NALF1: variants seen among roughly 807,000 people sequenced by gnomAD.
NALF1 encodes family with sequence similarity 155 member A.
In NALF1, 3 loss-of-function variants were observed where a neutral mutation model predicts 48.4. That is an observed-to-expected ratio of 0.06 (90% CI 0.03 to 0.16). NALF1 has a LOEUF of 0.16. NALF1 is among the 10% of genes least tolerant of loss of function. The probability of loss-of-function intolerance (pLI) is 1.00; values close to 1 mark genes in which losing one functional copy is unlikely to be tolerated. For missense variants in NALF1, 526 were observed against 571.5 expected, an observed-to-expected ratio of 0.92 and a Z score of 0.81; for synonymous variants, 262 against 245.7, an observed-to-expected ratio of 1.07 and a Z score of -0.62.
rs60334773 is a variant in NALF1, at chr13:107,168,961, AT to A, written c.*1535del. ...GTTAGAGAATAGGAAGGAATGTAAA[AT>A]TTTTTTTTTAATTATTTGTTTTGTT... is the stretch of plus-strand genomic sequence containing the variant. On this transcript the variant is annotated 3_prime_UTR_variant, in exon 3 of 3. Coordinates refer to ENST00000375915, the MANE Select transcript of NALF1 (RefSeq NM_001080396.3). 109,706 of 152,050 alleles carry A rather than the reference AT, an allele frequency of 0.72. 39,948 individuals are homozygous for A. Among genetic ancestry groups the A allele is most frequent in the African/African-American group, 0.82 (34,058 of 41,368 alleles). 9.4% of individuals were successfully genotyped at this position (152,050 alleles called of 1,614,324 possible).
At position 107,446,172 on chromosome 13, in the gene NALF1, T is replaced by C. The variant is rs181713929; in HGVS notation, c.916-235417A>G. 2.0e-4 allele frequency among the ~76,000 whole-genome samples: 31 copies of C among 152,100 alleles called. 1 individual carries two copies. Among genetic ancestry groups the C allele is most frequent in the Admixed American group, 2.0e-3 (31 of 15,268 alleles). On this transcript the variant is annotated intron_variant, in intron 1 of 2. Coordinates refer to ENST00000375915, the MANE Select transcript of NALF1 (RefSeq NM_001080396.3). ...CAGGATGGTCTCGATCTCTTGACCT[T>C]GTGATCTGCCCACCTCAGGCTCCCA...
chr13:107,551,103 T>TTCTTCTCTC (rs1420196900), intron 1 of NALF1, among the ~76,000 whole-genome samples: 2 of 151,678 alleles, frequency 1.3e-5, no homozygotes, highest in Non-Finnish European at 2.9e-5. Flanking sequence ...CCTTGCTGTA[T>TTCTTCTCTC]TCTTCTCTCT....
At chr13:107,828,134 C>T (rs1369059088) in intron 1 of NALF1, among the ~76,000 whole-genome samples, 2 of 152,118 alleles carry the variant, frequency 1.3e-5, no homozygotes, top group African/African-American at 4.8e-5. Context: ...GGGCAGTTTT[C>T]AGCTTAAAGT....
intron 1 of NALF1, among the ~76,000 whole-genome samples, chr13:107,212,631 T>C (rs1373656598): frequency 6.6e-6 from 1 of 152,212 alleles, no homozygotes. Context: ...TTGAAAACGT[T>C]TGTCAAAATG....
chr13:107,211,570 G>C (rs1399817308), intron 1 of NALF1, among the ~76,000 whole-genome samples: 1 of 152,158 alleles, frequency 6.6e-6, no homozygotes, highest in Non-Finnish European at 1.5e-5. Context: ...GCCTTTTTCT[G>C]ACACGAAGGA....
At chr13:107,740,003 G>A in intron 1 of NALF1, among the ~76,000 whole-genome samples, 1 of 152,052 alleles carries the variant, frequency 6.6e-6, no homozygotes, top group East Asian at 1.9e-4. Context: ...CTACATTATG[G>A]TGAGATCCAT....
intron 1 of NALF1, among the ~76,000 whole-genome samples, chr13:107,725,571 C>CGCA (rs931156357): frequency 6.6e-6 from 1 of 151,918 alleles, no homozygotes. Context: ...ATTACCTGGG[C>CGCA]GCAGAGGCGC....
At chr13:107,434,018 G>A (rs571133700) in intron 1 of NALF1, among the ~76,000 whole-genome samples, 22 of 152,270 alleles carry the variant, frequency 1.4e-4, no homozygotes, top group Non-Finnish European at 2.5e-4. Flanking sequence ...GAACTAGGAG[G>A]CTGTAATAGA....
At chr13:107,291,305 G>A (rs1408496691) in intron 1 of NALF1, among the ~76,000 whole-genome samples, 1 of 151,860 alleles carries the variant, frequency 6.6e-6, no homozygotes, top group East Asian at 1.9e-4. Context: ...AACATAGGTT[G>A]AGCATCCCTA....
chr13:107,354,500 G>A (rs1013772263), intron 1 of NALF1, among the ~76,000 whole-genome samples: 1 of 152,214 alleles, frequency 6.6e-6, no homozygotes, highest in Middle Eastern at 3.4e-3. Flanking sequence ...CAGATCTCAT[G>A]AGAACTCACA....
At chr13:107,189,663 C>A (rs1879242272) in intron 2 of NALF1, among the ~76,000 whole-genome samples, 1 of 152,190 alleles carries the variant, frequency 6.6e-6, no homozygotes. Context: ...CCAGGGACTC[C>A]GAGTGGAGAC....
intron 2 of NALF1, among the ~76,000 whole-genome samples, chr13:107,184,971 A>G (rs529887113): frequency 6.6e-6 from 1 of 152,294 alleles, no homozygotes; most frequent in East Asian, 1.9e-4. Context: ...GGGGTTCCTT[A>G]ATCCAGTAAG....
intron 1 of NALF1, among the ~76,000 whole-genome samples, chr13:107,680,931 G>A (rs1467212419): frequency 1.4e-5 from 2 of 139,512 alleles, no homozygotes; most frequent in Admixed American, 1.5e-4. Context: ...GAGAGTATGA[G>A]TATGCATGAG....
At chr13:107,603,418 T>C (rs1432167744) in intron 1 of NALF1, among the ~76,000 whole-genome samples, 1 of 152,206 alleles carries the variant, frequency 6.6e-6, no homozygotes, top group Admixed American at 6.5e-5. Context: ...GTTCTTTTTA[T>C]AAATTTGAAG....
intron 1 of NALF1, among the ~76,000 whole-genome samples, chr13:107,783,130 G>A (rs1335003895): frequency 3.8e-4 from 46 of 119,546 alleles, no homozygotes; most frequent in African/African-American, 6.5e-4. Context: ...CTGCCCGGCC[G>A]CCCCTACTGG....
At chr13:107,858,823 A>G (rs1384454140) in intron 1 of NALF1, among the ~76,000 whole-genome samples, 1 of 152,218 alleles carries the variant, frequency 6.6e-6, no homozygotes, top group African/African-American at 2.4e-5. Flanking sequence ...AAATTAGAAT[A>G]GTTTCTGACA....
At chr13:107,326,374 G>T (rs1006661536) in intron 1 of NALF1, among the ~76,000 whole-genome samples, 1 of 152,048 alleles carries the variant, frequency 6.6e-6, no homozygotes, top group Admixed American at 6.6e-5. Context: ...CCAGTCACAG[G>T]TATTAGAGCG....
At chr13:107,647,260 A>G (rs1215626974) in intron 1 of NALF1, among the ~76,000 whole-genome samples, 1 of 152,084 alleles carries the variant, frequency 6.6e-6, no homozygotes, top group East Asian at 1.9e-4. Context: ...AAAATACAAG[A>G]ACATGAATAA....
chr13:107,493,789 C>T (rs563846757), intron 1 of NALF1, among the ~76,000 whole-genome samples: 16 of 152,036 alleles, frequency 1.1e-4, no homozygotes, highest in African/African-American at 3.6e-4. Context: ...CTCAGGAGGC[C>T]GAGGTGAGAG....
Sources: allele counts gnomAD v4.1 joint callset (sites outside exome capture counted in the v4.1 genomes callset), GRCh38; gene constraint gnomAD v4.1.1; transcripts MANE v1.5; gene names NCBI Gene and HGNC (gene_info 2026-07-23, HGNC 2026-07-21).